Variants in AUTS2 observed in about 807,000 individuals in gnomAD.
AUTS2 encodes the protein autism susceptibility gene 2 protein.
In AUTS2, 17 loss-of-function variants were observed where a neutral mutation model predicts 112.4. The ratio of observed to expected loss-of-function variants is 0.15; its 90% CI spans 0.10 to 0.23. AUTS2 has a LOEUF of 0.23. Ranked by LOEUF, AUTS2 falls within the 10% of genes least tolerant of loss-of-function variation. The pLI is 1.00. For missense variants in AUTS2, 1,510 were observed against 1,701.6 expected (o/e 0.89, Z 1.98); for synonymous variants, 751 against 702.7 (o/e 1.07, Z -1.09).
At chr7:69,793,930 T>A (rs1789729452) in intron 1 of AUTS2, among the ~76,000 whole-genome samples, 1 of 152,146 alleles carries the variant, frequency 6.6e-6, no homozygotes, top group Non-Finnish European at 1.5e-5. Context: ...TAAGCAAAGC[T>A]GCAGAGGCAG....
At chr7:69,623,991 C>G (rs923685470) in intron 1 of AUTS2, among the ~76,000 whole-genome samples, 2 of 152,066 alleles carry the variant, frequency 1.3e-5, no homozygotes, top group Admixed American at 1.3e-4. Flanking sequence ...GTGAAAAAAG[C>G]ATTGTCTTTT....
intron 4 of AUTS2, among the ~76,000 whole-genome samples, chr7:70,360,077 C>T (rs936542272): frequency 5.3e-5 from 8 of 152,062 alleles, no homozygotes; most frequent in South Asian, 2.1e-4. Flanking sequence ...GTAAATGAGA[C>T]GCTTTACTTT....
At chr7:69,963,927 T>A (rs1189771914) in intron 2 of AUTS2, among the ~76,000 whole-genome samples, 2 of 152,150 alleles carry the variant, frequency 1.3e-5, no homozygotes, top group Non-Finnish European at 2.9e-5. Context: ...TTTTTTAAGA[T>A]GCTTTAAAAA....
rs772073906 is a variant in AUTS2, at chr7:70,684,134, G to GA, written c.691-14422dup. 3.3e-3 allele frequency among the ~76,000 whole-genome samples: 447 copies of GA among 134,898 alleles called. 1 individual carries two copies. Among genetic ancestry groups the GA allele is most frequent in the South Asian group, 7.4e-3 (31 of 4,206 alleles). The allele number at this position is 134,898 out of a possible 152,430, so 88.5% of individuals were successfully genotyped here. On this transcript the variant is annotated intron_variant, in intron 5 of 18. Coordinates refer to ENST00000342771, the MANE Select transcript of AUTS2 (RefSeq NM_015570.4). ...CAGGATGCTTAATAATAAGGCTAGGGAAAAAAAAAAAAAGCTTTGTTAGAT... is the reference window on the plus strand; with the variant it reads ...CAGGATGCTTAATAATAAGGCTAGGGAAAAAAAAAAAAAAGCTTTGTTAGAT...
intron 4 of AUTS2, among the ~76,000 whole-genome samples, chr7:70,296,124 G>A (rs1788923010): frequency 6.6e-6 from 1 of 152,192 alleles, no homozygotes; most frequent in African/African-American, 2.4e-5. Flanking sequence ...CATTTCTAGA[G>A]GGATCTTCCT....
At chr7:70,025,507 A>G (rs973256054) in intron 2 of AUTS2, among the ~76,000 whole-genome samples, 1 of 148,590 alleles carries the variant, frequency 6.7e-6, no homozygotes, top group Non-Finnish European at 1.5e-5. Context: ...GCTGGAACGC[A>G]GTGGCTGGAT....
chr7:69,781,036 CTG>C (rs1267903748), intron 1 of AUTS2, among the ~76,000 whole-genome samples: 1 of 152,162 alleles, frequency 6.6e-6, no homozygotes, highest in African/African-American at 2.4e-5. Flanking sequence ...GATGGGGAAA[CTG>C]AGATCTAGCA....
intron 1 of AUTS2, among the ~76,000 whole-genome samples, chr7:69,894,079 A>G (rs1035940304): frequency 6.6e-6 from 1 of 152,006 alleles, no homozygotes; most frequent in South Asian, 2.1e-4. Flanking sequence ...AATTTCAACT[A>G]TTCTCCAAAC....
At chr7:69,714,247 A>ATATGTGTGTGTG (rs1377262415) in intron 1 of AUTS2, among the ~76,000 whole-genome samples, 1 of 42,272 alleles carries the variant, frequency 2.4e-5, no homozygotes, top group African/African-American at 6.1e-5. Flanking sequence ...ATGTGTGTGT[A>ATATGTGTGTGTG]TATGTGTGTG....
intron 5 of AUTS2, among the ~76,000 whole-genome samples, chr7:70,609,923 A>G (rs1803988299): frequency 6.6e-6 from 1 of 151,982 alleles, no homozygotes; most frequent in South Asian, 2.1e-4. Context: ...TACATACCCT[A>G]AAGTGGAATT....
At chr7:70,137,034 A>G (rs560352935) in intron 4 of AUTS2, among the ~76,000 whole-genome samples, 1 of 152,192 alleles carries the variant, frequency 6.6e-6, no homozygotes, top group South Asian at 2.1e-4. Context: ...TTTTATCTGT[A>G]GTGATACATT....
intron 5 of AUTS2, among the ~76,000 whole-genome samples, chr7:70,678,717 C>T (rs1326268559): frequency 3.3e-5 from 5 of 152,214 alleles, no homozygotes; most frequent in African/African-American, 1.2e-4. Context: ...GTGCCTTAGG[C>T]TCACCACCAA....
intron 2 of AUTS2, among the ~76,000 whole-genome samples, chr7:70,079,843 A>T (rs1393903242): frequency 6.6e-6 from 1 of 152,190 alleles, no homozygotes; most frequent in Admixed American, 6.6e-5. Context: ...TTTATTTGGC[A>T]GATGGTTCTG....
intron 5 of AUTS2, among the ~76,000 whole-genome samples, chr7:70,674,641 T>C (rs1348102176): frequency 2.6e-5 from 4 of 152,294 alleles, no homozygotes; most frequent in African/African-American, 7.2e-5. Flanking sequence ...GCTGCACCAC[T>C]TCAAAAGCAG....
chr7:70,646,587 G>C (rs896634641), intron 5 of AUTS2, among the ~76,000 whole-genome samples: 4 of 152,212 alleles, frequency 2.6e-5, no homozygotes, highest in African/African-American at 9.6e-5. Context: ...ACCGCCTCTG[G>C]CCCCCCAAGG....
intron 5 of AUTS2, among the ~76,000 whole-genome samples, chr7:70,496,798 C>CTCA (rs1798550128): frequency 7.5e-6 from 1 of 133,394 alleles, no homozygotes; most frequent in Non-Finnish European, 1.6e-5. Context: ...CACACACACC[C>CTCA]CACACATGCA....
At chr7:70,051,208 A>G (rs1184215063) in intron 2 of AUTS2, among the ~76,000 whole-genome samples, 5 of 152,154 alleles carry the variant, frequency 3.3e-5, no homozygotes, top group African/African-American at 9.7e-5. Flanking sequence ...AGGATAGGCA[A>G]AGGTGCCAGC....
chr7:70,641,726 G>A (rs925247642), intron 5 of AUTS2, among the ~76,000 whole-genome samples: 1 of 152,128 alleles, frequency 6.6e-6, no homozygotes, highest in African/African-American at 2.4e-5. Context: ...CAGACACCCA[G>A]CCTCATGTGC....
intron 5 of AUTS2, among the ~76,000 whole-genome samples, chr7:70,611,487 T>C (rs746177188): frequency 5.3e-5 from 8 of 152,226 alleles, no homozygotes; most frequent in African/African-American, 7.2e-5. Flanking sequence ...AGCCCTAGGC[T>C]GCCTACCGTG....
Sources: gnomAD v4.1 joint callset for allele counts (sites outside exome capture counted in the v4.1 genomes callset) on GRCh38, gnomAD v4.1.1 for gene constraint, MANE v1.5 for transcripts, NCBI Gene and HGNC (gene_info 2026-07-23, HGNC 2026-07-21) for gene names.